The following SEPSECS variants were observed in gnomAD, a reference collection of about 807,000 sequenced individuals.
SEPSECS encodes O-phosphoseryl-tRNA(Sec) selenium transferase.
In SEPSECS, 42 loss-of-function variants were observed where a neutral mutation model predicts 52.1. That is an observed-to-expected ratio of 0.81 (90% confidence interval 0.63 to 1.04). SEPSECS has a LOEUF of 1.04. Ranked by LOEUF, SEPSECS falls within the 50% of genes least tolerant of loss-of-function variation. The pLI, the probability that SEPSECS is intolerant of heterozygous loss-of-function variation, is 0.00. For missense variants in SEPSECS, 590 were observed against 610.6 expected, an observed-to-expected ratio of 0.97 and a Z score of 0.36; for synonymous variants, 216 against 211.4, an observed-to-expected ratio of 1.02 and a Z score of -0.19.
intron 8 of SEPSECS, among the ~76,000 whole-genome samples, chr4:25,129,617 C>T (rs1728530121): frequency 6.6e-6 from 1 of 151,664 alleles, no homozygotes; most frequent in African/African-American, 2.4e-5. Flanking sequence ...TCTCAAACTC[C>T]TGACCTCAGG....
At position 25,120,674 on chromosome 4, in the gene SEPSECS, A is replaced by G. The variant is rs1728088183; in HGVS notation, c.*3257T>C. 6.6e-6 allele frequency: 1 copy of G among 152,194 alleles called. No homozygotes were observed. The highest frequency in any genetic ancestry group is 1.5e-5 in the Non-Finnish European group (1 of 68,000). The allele number at this position is 152,194 out of a possible 1,614,324, so 9.4% of individuals were successfully genotyped here. The stretch of plus-strand genomic sequence containing the variant: ...TTAAGGGTCTGGCAGAGGTTAGTAC[A>G]TCTCAGAAAGTGGGAAAAGGAAACC... On this transcript the variant is annotated 3_prime_UTR_variant, in exon 11 of 11. Transcript: ENST00000382103.
At chr4:25,149,712 G>T (rs905903207) in intron 6 of SEPSECS, among the ~76,000 whole-genome samples, 7 of 152,084 alleles carry the variant, frequency 4.6e-5, no homozygotes, top group Admixed American at 2.0e-4. Context: ...AGAGCAAGAG[G>T]GAAAGGGAAA....
At chr4:25,132,949 C>T (rs1362585954) in intron 8 of SEPSECS, among the ~76,000 whole-genome samples, 1 of 152,076 alleles carries the variant, frequency 6.6e-6, no homozygotes, top group African/African-American at 2.4e-5. Flanking sequence ...GGTACTTGGG[C>T]GAGTACTTAA....
chr4:25,160,504 A>G (rs1201068214), upstream of SEPSECS: 16 of 673,848 alleles, frequency 2.4e-5, no homozygotes, highest in Admixed American at 4.8e-4. Context: ...AAAACAAAAC[A>G]AAACAAAAAA....
At chr4:25,160,038 C>T in intron 1 of SEPSECS, 1 of 985,440 alleles carries the variant, frequency 1.0e-6, no homozygotes, top group Non-Finnish European at 1.2e-6. Flanking sequence ...CCGACCCCAA[C>T]ACCCCCTCCT....
Position 25,120,415 on chromosome 4 carries a change from T to C in SEPSECS, c.*3516A>G, listed in dbSNP as rs1728073367. ...ACAAAAGGATGCAGTGAGTGTTAGG[T>C]CTGTTTACTAAGATTGGCCATAAGA... On this transcript the variant is annotated 3_prime_UTR_variant, in exon 11 of 11. Coordinates refer to ENST00000382103, the MANE Select transcript of SEPSECS (RefSeq NM_016955.4). 1 of 152,070 alleles carries C rather than the reference T, an allele frequency of 6.6e-6. No homozygotes were observed. The highest frequency in any genetic ancestry group is 2.4e-5 in the African/African-American group (1 of 41,398). The allele number at this position is 152,070 out of a possible 1,614,324, so 9.4% of individuals were successfully genotyped here. A position where few individuals can be genotyped will look rare whatever the true frequency, so the allele number is the denominator to read the frequency against.
chr4:25,126,049 A>G (rs564335409), intron 9 of SEPSECS, among the ~76,000 whole-genome samples: 11 of 152,346 alleles, frequency 7.2e-5, no homozygotes, highest in African/African-American at 2.4e-4. Context: ...TAGATGGAAC[A>G]ATAACATGAT....
At chr4:25,159,804 A>C in intron 1 of SEPSECS, 1 of 1,094,538 alleles carries the variant, frequency 9.1e-7, no homozygotes, top group Non-Finnish European at 1.1e-6. Flanking sequence ...CTTTTAATGA[A>C]ATTAAAATAC....
intron 8 of SEPSECS, among the ~76,000 whole-genome samples, chr4:25,136,053 T>G (rs1490719837): frequency 6.6e-6 from 1 of 152,130 alleles, no homozygotes; most frequent in African/African-American, 2.4e-5. Context: ...GGAACATATC[T>G]CAAAATAATA....
rs1206592926 is a variant in SEPSECS at position 25,122,335 on chromosome 4, T to C, written c.*1596A>G. 1 of 152,196 alleles carries C rather than the reference T, an allele frequency of 6.6e-6. No homozygotes were observed. The highest frequency in any genetic ancestry group is 2.4e-5 in the African/African-American group (1 of 41,464). 9.4% of individuals were successfully genotyped at this position (152,196 alleles called of 1,614,324 possible). A position where few individuals can be genotyped will look rare whatever the true frequency, so the allele number is the denominator to read the frequency against. On this transcript the variant is annotated 3_prime_UTR_variant, in exon 11 of 11. Transcript: ENST00000382103. ...TGTTTACAAACAGTCTGGGACAATG[T>C]ACAACGTCACCAAAATACCAGAAAA... is the stretch of plus-strand genomic sequence containing the variant.
chr4:25,134,039 A>G (rs1728724602), intron 8 of SEPSECS, among the ~76,000 whole-genome samples: 1 of 143,644 alleles, frequency 7.0e-6, no homozygotes, highest in Admixed American at 7.4e-5. Flanking sequence ...TGGGAGGATC[A>G]CCTGAACCCA....
At chr4:25,136,540 A>C (rs1311711511) in intron 8 of SEPSECS, among the ~76,000 whole-genome samples, 1 of 152,134 alleles carries the variant, frequency 6.6e-6, no homozygotes, top group Non-Finnish European at 1.5e-5. Context: ...GGAAACTACA[A>C]ACCACTGCTC....
chr4:25,146,033 T>C, intron 6 of SEPSECS, among the ~76,000 whole-genome samples: 1 of 152,174 alleles, frequency 6.6e-6, no homozygotes, highest in Non-Finnish European at 1.5e-5. Context: ...ACTTACCTAC[T>C]AGAAATGTAA....
At chr4:25,137,137 T>C (rs115999933) in intron 8 of SEPSECS, among the ~76,000 whole-genome samples, 14,289 of 152,164 alleles carry the variant, frequency 0.094, 855 homozygotes, top group South Asian at 0.2. Flanking sequence ...GGCAATACCA[T>C]ACAGGACACT....
At chr4:25,148,540 T>C (rs1712124118) in intron 6 of SEPSECS, among the ~76,000 whole-genome samples, 1 of 152,192 alleles carries the variant, frequency 6.6e-6, no homozygotes, top group South Asian at 2.1e-4. Context: ...AAATCAATAG[T>C]GCCACAACCT....
chr4:25,154,493 T>C (rs1000559648), intron 5 of SEPSECS, among the ~76,000 whole-genome samples: 1 of 152,220 alleles, frequency 6.6e-6, no homozygotes, highest in Non-Finnish European at 1.5e-5. Flanking sequence ...CTTTTTGCTT[T>C]TATTTTCTTA....
chr4:25,129,954 T>C (rs1728546075), intron 8 of SEPSECS, among the ~76,000 whole-genome samples: 1 of 152,212 alleles, frequency 6.6e-6, no homozygotes, highest in Non-Finnish European at 1.5e-5. Flanking sequence ...ACTTATATAA[T>C]TCACCAAAGT....
At chr4:25,134,124 CAAAAAAAAAAAAAA>C (rs34672005) in intron 8 of SEPSECS, among the ~76,000 whole-genome samples, 3 of 13,164 alleles carry the variant, frequency 2.3e-4, no homozygotes, top group Middle Eastern at 0.033. Flanking sequence ...GACCCCATCT[CAAAAAAAAAAAAAA>C]AAAAAAAAAA....
At chr4:25,134,241 G>A (rs545995686) in intron 8 of SEPSECS, among the ~76,000 whole-genome samples, 2 of 151,862 alleles carry the variant, frequency 1.3e-5, no homozygotes, top group Admixed American at 6.6e-5. Flanking sequence ...CTACTTGGGA[G>A]GCTGAGGTGG....
Sources: allele counts gnomAD v4.1 joint callset (sites outside exome capture counted in the v4.1 genomes callset), GRCh38; gene constraint gnomAD v4.1.1; transcripts MANE v1.5; gene names NCBI Gene and HGNC (gene_info 2026-07-23, HGNC 2026-07-21).